GALNT13: variants seen among roughly 807,000 people sequenced by gnomAD.
GALNT13 encodes the protein polypeptide N-acetylgalactosaminyltransferase 13, also known as UDP-GalNAc:polypeptide N-acetylgalactosaminyltransferase 13.
A neutral mutation model predicts 64.2 loss-of-function variants in GALNT13; 28 were observed. The observed-to-expected ratio is 0.44, with a 90% confidence interval of 0.32 to 0.60. The LOEUF (loss-of-function observed/expected upper bound fraction) is 0.60. Among genes scored for constraint, GALNT13 ranks in the 20% least tolerant of loss-of-function variants. The probability of loss-of-function intolerance (pLI) is 0.05; values close to 1 mark genes in which losing one functional copy is unlikely to be tolerated. For synonymous variants in GALNT13, 214 were observed against 224.6 expected (o/e 0.95, Z 0.42); for missense variants, 577 against 669.8 (o/e 0.86, Z 1.53).
At chr2:154,353,412 A>T (rs899077410) in intron 9 of GALNT13, among the ~76,000 whole-genome samples, 5 of 152,124 alleles carry the variant, frequency 3.3e-5, no homozygotes, top group African/African-American at 1.2e-4. Context: ...TCACATAGTT[A>T]CGTGTGTGTG....
the GALNT13 span, among the ~76,000 whole-genome samples, chr2:153,345,479 G>C: frequency 2.0e-5 from 3 of 152,044 alleles, no homozygotes; most frequent in African/African-American, 4.8e-5. Context: ...GGAGAATTTT[G>C]TTTTAAATAA....
intron 3 of GALNT13, among the ~76,000 whole-genome samples, chr2:153,979,822 GATTAAA>G (rs991606839): frequency 6.6e-6 from 1 of 152,142 alleles, no homozygotes; most frequent in Non-Finnish European, 1.5e-5. Flanking sequence ...AGACAAAAAA[GATTAAA>G]ATGTTTAAGC....
the GALNT13 span, among the ~76,000 whole-genome samples, chr2:153,628,843 G>C: frequency 6.6e-6 from 1 of 152,096 alleles, no homozygotes; most frequent in Non-Finnish European, 1.5e-5. Flanking sequence ...TTTGGTATCA[G>C]GATGATGCTG....
chr2:154,022,426 G>A (rs1558913984), intron 3 of GALNT13, among the ~76,000 whole-genome samples: 1 of 151,950 alleles, frequency 6.6e-6, no homozygotes, highest in Non-Finnish European at 1.5e-5. Context: ...GTCTTGGGAG[G>A]ATGTATGTGT....
the GALNT13 span, among the ~76,000 whole-genome samples, chr2:153,547,521 T>A: frequency 6.6e-6 from 1 of 152,020 alleles, no homozygotes; most frequent in East Asian, 1.9e-4. Flanking sequence ...ACAGGTAGAG[T>A]CTTAATATAT....
chr2:153,756,022 C>T, the GALNT13 span, among the ~76,000 whole-genome samples: 1 of 151,988 alleles, frequency 6.6e-6, no homozygotes, highest in Non-Finnish European at 1.5e-5. Flanking sequence ...AAATATATTC[C>T]TATAAAAGTC....
chr2:154,079,842 GA>G (rs1436338354), intron 3 of GALNT13, among the ~76,000 whole-genome samples: 1 of 151,632 alleles, frequency 6.6e-6, no homozygotes, highest in Non-Finnish European at 1.5e-5. Context: ...ATCGAACATA[GA>G]AAATTAAAGC....
chr2:153,554,174 A>C, the GALNT13 span, among the ~76,000 whole-genome samples: 1 of 151,698 alleles, frequency 6.6e-6, no homozygotes, highest in Admixed American at 6.6e-5. Context: ...AAAAAAAAAA[A>C]AAATTAGCCA....
At chr2:154,086,275 C>T (rs1184654763) in intron 3 of GALNT13, among the ~76,000 whole-genome samples, 1 of 147,736 alleles carries the variant, frequency 6.8e-6, no homozygotes, top group Non-Finnish European at 1.5e-5. Context: ...TGGTAGTCCT[C>T]CTTCCCCACA....
At chr2:153,103,562 TGGCCTTTCA>T in the GALNT13 span, among the ~76,000 whole-genome samples, 2 of 152,260 alleles carry the variant, frequency 1.3e-5, no homozygotes, top group Non-Finnish European at 2.9e-5. Flanking sequence ...GATGTAGATT[TGGCCTTTCA>T]GGCCCCTGGG....
chr2:154,201,311 C>T (rs1258355182), intron 4 of GALNT13, among the ~76,000 whole-genome samples: 3 of 152,102 alleles, frequency 2.0e-5, no homozygotes, highest in Admixed American at 6.6e-5. Context: ...ACTTTGAAAT[C>T]CTGGCATGTC....
At chr2:153,263,001 A>G in the GALNT13 span, among the ~76,000 whole-genome samples, 2 of 152,132 alleles carry the variant, frequency 1.3e-5, no homozygotes, top group African/African-American at 4.8e-5. Context: ...GGAAGAGAGA[A>G]AGTTAAATTG....
At chr2:153,752,627 C>T in the GALNT13 span, among the ~76,000 whole-genome samples, 1 of 152,032 alleles carries the variant, frequency 6.6e-6, no homozygotes, top group African/African-American at 2.4e-5. Context: ...ATTGGATCCT[C>T]GTTGTATGTT....
the GALNT13 span, among the ~76,000 whole-genome samples, chr2:153,605,184 G>A: frequency 6.6e-5 from 10 of 151,982 alleles, no homozygotes; most frequent in Non-Finnish European, 1.3e-4. Flanking sequence ...TAGCTTTTTC[G>A]CAGCCTTCTA....
chr2:154,178,914 G>A (rs1685806187), intron 4 of GALNT13, among the ~76,000 whole-genome samples: 1 of 152,156 alleles, frequency 6.6e-6, no homozygotes, highest in Admixed American at 6.5e-5. Flanking sequence ...CCTTCAGACA[G>A]CCTTTCTAAG....
At chr2:153,399,763 T>C in the GALNT13 span, among the ~76,000 whole-genome samples, 17 of 152,278 alleles carry the variant, frequency 1.1e-4, no homozygotes, top group African/African-American at 3.6e-4. Context: ...GTGATTTTTG[T>C]ACATTGATTT....
At chr2:154,275,830 G>C (rs536254274) in intron 8 of GALNT13, among the ~76,000 whole-genome samples, 29 of 152,302 alleles carry the variant, frequency 1.9e-4, no homozygotes, top group African/African-American at 7.0e-4. Flanking sequence ...CAGGAAAGCT[G>C]ACAGGAGAGG....
intron 3 of GALNT13, among the ~76,000 whole-genome samples, chr2:154,091,101 G>A (rs1292003340): frequency 6.6e-6 from 1 of 151,874 alleles, no homozygotes; most frequent in East Asian, 1.9e-4. Context: ...CTGACTCTTT[G>A]TGTATTTTAC....
At chr2:153,531,654 C>G in the GALNT13 span, among the ~76,000 whole-genome samples, 1 of 152,168 alleles carries the variant, frequency 6.6e-6, no homozygotes, top group African/African-American at 2.4e-5. Flanking sequence ...AGTCCAAAAT[C>G]TCATCTGAGA....
Sources: allele counts gnomAD v4.1 joint callset (sites outside exome capture counted in the v4.1 genomes callset), GRCh38; gene constraint gnomAD v4.1.1; transcripts MANE v1.5; gene names NCBI Gene and HGNC (gene_info 2026-07-23, HGNC 2026-07-21).